Variants in CACHD1 observed in about 807,000 individuals in gnomAD.
CACHD1 encodes the protein VWFA and cache domain-containing protein 1.
In CACHD1, 71 loss-of-function variants were observed where a neutral mutation model predicts 138.7. The observed-to-expected ratio is 0.51, with a 90% CI of 0.42 to 0.62. The LOEUF is 0.62. CACHD1 is among the 20% of genes least tolerant of loss of function. The probability of loss-of-function intolerance (pLI) is 0.00; values close to 1 mark genes in which losing one functional copy is unlikely to be tolerated. For synonymous variants in CACHD1, 578 were observed against 591.5 expected, an observed-to-expected ratio of 0.98 and a Z score of 0.33; for missense variants, 1,389 against 1,625.3, an observed-to-expected ratio of 0.85 and a Z score of 2.50.
At chr1:64,642,052 A>T in intron 8 of CACHD1, 83 bp downstream of exon 8, 1 of 1,274,776 alleles carries the variant, frequency 7.8e-7, no homozygotes, top group Non-Finnish European at 1.0e-6. Context: ...AAAGAATCAT[A>T]ACAGTGTGCT....
intron 16 of CACHD1, among the ~76,000 whole-genome samples, chr1:64,671,169 A>G (rs1200878027): frequency 6.6e-6 from 1 of 151,442 alleles, no homozygotes; most frequent in African/African-American, 2.4e-5. Flanking sequence ...AAAATGAAGT[A>G]AATAATAAGG....
rs775350375 is a variant in CACHD1 at position 64,678,278 on chromosome 1, A to G, written c.3212A>G (p.Lys1071Arg). The G allele has an allele frequency of 3.1e-6, 5 of 1,596,468 alleles. No homozygotes were observed. Among genetic ancestry groups the G allele is most frequent in the Non-Finnish European group, 4.3e-6 (5 of 1,173,990 alleles). The change falls in exon 23 of 27, where the codon AAA (lysine) becomes AGA (arginine). Residue 1071 changes from lysine (K) to arginine (R), a missense_variant. Transcript: ENST00000651257. ...KECFGGIVGA[K>R]SPYVDDMGAI... is the part of the protein sequence containing the mutation. ...TGCTTCGGGGGGATTGTGGGAGCCA[A>G]AAGTCCCTACGTTGATGACATGGGA...
intron 1 of CACHD1, among the ~76,000 whole-genome samples, chr1:64,529,500 A>T (rs1047377370): frequency 6.6e-6 from 1 of 152,206 alleles, no homozygotes; most frequent in Non-Finnish European, 1.5e-5. Flanking sequence ...TAGAATCATC[A>T]TCTTCTTCTA....
intron 3 of CACHD1, among the ~76,000 whole-genome samples, chr1:64,582,953 A>G (rs1240922128): frequency 1.3e-5 from 2 of 152,142 alleles, no homozygotes; most frequent in African/African-American, 4.8e-5. Context: ...CTTAATGTTT[A>G]TTTTTATGCT....
intron 13 of CACHD1, among the ~76,000 whole-genome samples, chr1:64,662,382 G>A (rs553369374): frequency 6.6e-6 from 1 of 152,278 alleles, no homozygotes; most frequent in East Asian, 1.9e-4. Flanking sequence ...GCTCCTAATT[G>A]GGAACTGTTT....
chr1:64,632,256 GAA>G (rs55924104), intron 5 of CACHD1, among the ~76,000 whole-genome samples: 2,985 of 129,716 alleles, frequency 0.023, 99 homozygotes, highest in African/African-American at 0.087. Flanking sequence ...GCTTTTTTCT[GAA>G]AAAAAAAAAA....
intron 2 of CACHD1, among the ~76,000 whole-genome samples, chr1:64,556,286 C>T (rs758509693): frequency 4.6e-5 from 7 of 152,148 alleles, no homozygotes; most frequent in Non-Finnish European, 7.3e-5. Context: ...CAATTGTAAC[C>T]GCTTATAGGA....
At chr1:64,625,041 A>G (rs1648047404) in intron 4 of CACHD1, among the ~76,000 whole-genome samples, 2 of 152,334 alleles carry the variant, frequency 1.3e-5, no homozygotes, top group South Asian at 4.1e-4. Context: ...TATGACAAAG[A>G]CCTTATGGTC....
At chr1:64,672,688 G>A (rs984929850) in intron 17 of CACHD1, among the ~76,000 whole-genome samples, 5 of 152,066 alleles carry the variant, frequency 3.3e-5, no homozygotes, top group Admixed American at 3.3e-4. Context: ...AAGGACTACT[G>A]TATATTTTTA....
intron 1 of CACHD1, among the ~76,000 whole-genome samples, chr1:64,545,208 T>C (rs916348739): frequency 7.2e-5 from 11 of 152,226 alleles, no homozygotes; most frequent in African/African-American, 2.7e-4. Flanking sequence ...CTACCTAGAA[T>C]GTATGTTTAA....
intron 7 of CACHD1, among the ~76,000 whole-genome samples, chr1:64,639,511 G>A (rs1329519485): frequency 6.6e-6 from 1 of 152,172 alleles, no homozygotes; most frequent in Non-Finnish European, 1.5e-5. Flanking sequence ...GTTCACTAGA[G>A]AATGTTCAGG....
At position 64,691,435 on chromosome 1, in the gene CACHD1, C is replaced by G. The variant is rs771558383; in HGVS notation, c.3699C>G (p.Thr1233=). 1.2e-6 allele frequency: 2 copies of G among 1,614,034 alleles called. No homozygotes were observed. The highest frequency in any genetic ancestry group is 1.7e-6 in the Non-Finnish European group (2 of 1,180,014). ...GNHDEDLDLD[T]PPQTAALLSH... The stretch of plus-strand genomic sequence containing the variant: ...ATGATGAGGACTTAGACCTGGATAC[C>G]CCCCCTCAGACTGCTGCCCTACTAA... The change falls in exon 27 of 27, where the codon ACC becomes ACG. Residue 1233 remains threonine (T), a synonymous_variant. Coordinates refer to ENST00000651257, the MANE Select transcript of CACHD1 (RefSeq NM_020925.4).
At chr1:64,636,639 T>C (rs1648534949) in intron 7 of CACHD1, among the ~76,000 whole-genome samples, 1 of 152,342 alleles carries the variant, frequency 6.6e-6, no homozygotes, top group East Asian at 1.9e-4. Context: ...TCAAGGCCAA[T>C]AGAAGAGCAT....
At chr1:64,648,165 C>T (rs1648975547) in intron 9 of CACHD1, 131 bp downstream of exon 9, 1 of 668,048 alleles carries the variant, frequency 1.5e-6, no homozygotes. Context: ...TATTGTACAG[C>T]AGAAATCCCC....
At chr1:64,629,286 G>T in intron 4 of CACHD1, 69 bp from the exon 5 acceptor site, 1 of 1,535,918 alleles carries the variant, frequency 6.5e-7, no homozygotes. Context: ...CAAAACAGAT[G>T]CCTGAGGAGC....
At chr1:64,598,996 C>A (rs1647188202) in intron 3 of CACHD1, among the ~76,000 whole-genome samples, 1 of 150,820 alleles carries the variant, frequency 6.6e-6, no homozygotes, top group Non-Finnish European at 1.5e-5. Flanking sequence ...GAAGGCAGAG[C>A]CCCCATGAAT....
chr1:64,493,801 T>C (rs888776671), intron 1 of CACHD1, among the ~76,000 whole-genome samples: 4 of 152,198 alleles, frequency 2.6e-5, no homozygotes, highest in Non-Finnish European at 5.9e-5. Flanking sequence ...TACACACATT[T>C]TGTGGGGCTG....
At chr1:64,551,797 T>C (rs1178521769) in intron 2 of CACHD1, among the ~76,000 whole-genome samples, 2 of 152,192 alleles carry the variant, frequency 1.3e-5, no homozygotes, top group African/African-American at 2.4e-5. Context: ...AGGATATAAA[T>C]AGTCATGTAT....
At chr1:64,515,725 G>A (rs1349559698) in intron 1 of CACHD1, among the ~76,000 whole-genome samples, 4 of 152,126 alleles carry the variant, frequency 2.6e-5, no homozygotes, top group African/African-American at 9.7e-5. Context: ...ATGAAGAAAG[G>A]CCTGTTATCT....
Sources: gnomAD v4.1 joint callset for allele counts (sites outside exome capture counted in the v4.1 genomes callset) on GRCh38, gnomAD v4.1.1 for gene constraint, MANE v1.5 for transcripts, NCBI Gene and HGNC (gene_info 2026-07-23, HGNC 2026-07-21) for gene names.